The following CNBD1 variants were observed in gnomAD, a reference collection of about 807,000 sequenced individuals.
The protein encoded by CNBD1 is cyclic nucleotide binding domain containing 1.
In CNBD1, 71 loss-of-function variants were observed where a neutral mutation model predicts 54.4. The observed-to-expected ratio is 1.30, with a 90% CI of 1.08 to 1.59. The LOEUF (loss-of-function observed/expected upper bound fraction) is 1.59. Among genes scored for constraint, CNBD1 ranks in the 40% most tolerant of loss-of-function variants. CNBD1 has a pLI of 0.00. For synonymous variants in CNBD1, 182 were observed against 170.7 expected (o/e 1.07, Z -0.51); for missense variants, 659 against 518.0 (o/e 1.27, Z -2.64).
chr8:87,145,597 G>T (rs1250682355), intron 4 of CNBD1, among the ~76,000 whole-genome samples: 1 of 152,102 alleles, frequency 6.6e-6, no homozygotes, highest in Non-Finnish European at 1.5e-5. Context: ...AAAGGAAAGA[G>T]AATAATGAAA....
intron 4 of CNBD1, among the ~76,000 whole-genome samples, chr8:87,195,114 A>G (rs1304608811): frequency 6.6e-6 from 1 of 151,472 alleles, no homozygotes; most frequent in Middle Eastern, 3.2e-3. Flanking sequence ...CGAACTCCTG[A>G]CCTCATGATC....
chr8:87,386,015 G>A (rs750371265), downstream of CNBD1, among the ~76,000 whole-genome samples: 81 of 152,154 alleles, frequency 5.3e-4, no homozygotes, highest in Non-Finnish European at 7.3e-4. Flanking sequence ...ATAGTCTGGA[G>A]TGGACCTCCA....
At chr8:87,411,011 C>A (rs2130984756) in intron 2 of CNBD1, among the ~76,000 whole-genome samples, 1 of 152,148 alleles carries the variant, frequency 6.6e-6, no homozygotes, top group Admixed American at 6.6e-5. Flanking sequence ...AGTCTATACA[C>A]TGCAGTATTG....
At chr8:87,422,349 C>T (rs189381024) in intron 2 of CNBD1, among the ~76,000 whole-genome samples, 8 of 146,338 alleles carry the variant, frequency 5.5e-5, no homozygotes, top group Middle Eastern at 3.4e-3. Context: ...AGTCCTTGCC[C>T]GTGCCTATGT....
chr8:87,067,990 A>G (rs2130648219), intron 4 of CNBD1, among the ~76,000 whole-genome samples: 1 of 152,162 alleles, frequency 6.6e-6, no homozygotes, highest in African/African-American at 2.4e-5. Flanking sequence ...TTATATTCTA[A>G]AAACAGGCAC....
intron 4 of CNBD1, among the ~76,000 whole-genome samples, chr8:86,999,958 G>C (rs1353042617): frequency 6.6e-6 from 1 of 152,182 alleles, no homozygotes; most frequent in Admixed American, 6.5e-5. Context: ...GCTGGCCTTA[G>C]ACTGAATTTT....
intron 4 of CNBD1, among the ~76,000 whole-genome samples, chr8:87,160,787 T>A (rs1812842114): frequency 6.6e-6 from 1 of 151,812 alleles, no homozygotes; most frequent in Non-Finnish European, 1.5e-5. Flanking sequence ...AAACAGAAAA[T>A]ACCATAACCA....
At chr8:87,391,047 C>G (rs569721827) in intron 2 of CNBD1, among the ~76,000 whole-genome samples, 1 of 151,738 alleles carries the variant, frequency 6.6e-6, no homozygotes, top group Non-Finnish European at 1.5e-5. Context: ...ACAAAGAGAA[C>G]CCATGGACAC....
chr8:86,888,660 T>A (rs1373962299), intron 2 of CNBD1, among the ~76,000 whole-genome samples: 3 of 152,134 alleles, frequency 2.0e-5, no homozygotes, highest in Admixed American at 2.0e-4. Flanking sequence ...GTTATTTTTA[T>A]TATTTTTGTT....
At chr8:87,249,302 G>A (rs1807866487) in intron 6 of CNBD1, among the ~76,000 whole-genome samples, 1 of 152,060 alleles carries the variant, frequency 6.6e-6, no homozygotes, top group Non-Finnish European at 1.5e-5. Flanking sequence ...GACCTCAGGA[G>A]GTAATACAAG....
At chr8:86,940,386 C>A (rs1324788109) in intron 4 of CNBD1, among the ~76,000 whole-genome samples, 1 of 152,026 alleles carries the variant, frequency 6.6e-6, no homozygotes, top group Non-Finnish European at 1.5e-5. Flanking sequence ...AGGGTGGTCT[C>A]GAACTCCTGA....
rs866336041 is a variant in CNBD1, at chr8:87,382,622, G to A, written c.1306G>A (p.Ala436Thr). Reference sequence around the variant, plus strand: ...GTTTGTTTGTTTGCCTTTTGCAGTGGCCTAGATCTAGAAACAACCTCAGTG... The same window carrying A: ...GTTTGTTTGTTTGCCTTTTGCAGTGACCTAGATCTAGAAACAACCTCAGTG... ...AIIEDKDLFV[A>T] The change falls in exon 11 of 11, where the codon GCC (alanine) becomes ACC (threonine). Residue 436 changes from alanine (A) to threonine (T), a missense_variant and splice_region_variant. Coordinates refer to ENST00000518476, the MANE Select transcript of CNBD1 (RefSeq NM_173538.3). 6.5e-7 allele frequency: 1 copy of A among 1,536,928 alleles called. No individual in the cohort carries two copies. Among genetic ancestry groups the A allele is most frequent in the Non-Finnish European group, 8.8e-7 (1 of 1,135,690 alleles).
chr8:87,243,040 C>T (rs1807736705), intron 6 of CNBD1, among the ~76,000 whole-genome samples: 1 of 152,138 alleles, frequency 6.6e-6, no homozygotes, highest in Non-Finnish European at 1.5e-5. Context: ...AAATTAATCA[C>T]TAAACCATCA....
At chr8:87,034,120 T>A (rs1809855609) in intron 4 of CNBD1, among the ~76,000 whole-genome samples, 1 of 152,220 alleles carries the variant, frequency 6.6e-6, no homozygotes, top group African/African-American at 2.4e-5. Flanking sequence ...TTTACAATGA[T>A]CCTTATGCTG....
intron 4 of CNBD1, among the ~76,000 whole-genome samples, chr8:86,983,841 G>A (rs569539991): frequency 1.7e-4 from 26 of 152,232 alleles, no homozygotes; most frequent in African/African-American, 6.3e-4. Context: ...ATAAAAGTTT[G>A]AAAAATTTGC....
At chr8:87,372,662 A>C (rs1563574877) in intron 10 of CNBD1, among the ~76,000 whole-genome samples, 1 of 151,866 alleles carries the variant, frequency 6.6e-6, no homozygotes, top group East Asian at 1.9e-4. Context: ...TTATTTGTCC[A>C]CAAATAAGTG....
At chr8:87,172,148 T>G (rs1475701236) in intron 4 of CNBD1, among the ~76,000 whole-genome samples, 1 of 152,038 alleles carries the variant, frequency 6.6e-6, no homozygotes, top group African/African-American at 2.4e-5. Flanking sequence ...AAATTCTTCT[T>G]GTTATTAACA....
chr8:87,352,478 CAA>C (rs386413278), intron 9 of CNBD1, among the ~76,000 whole-genome samples: 2 of 107,488 alleles, frequency 1.9e-5, no homozygotes, highest in Non-Finnish European at 3.6e-5. Flanking sequence ...GACTCTGTCT[CAA>C]AAAAAAAAAA....
At chr8:87,332,207 G>A (rs1209372344) in intron 8 of CNBD1, among the ~76,000 whole-genome samples, 2 of 152,120 alleles carry the variant, frequency 1.3e-5, no homozygotes, top group African/African-American at 4.8e-5. Context: ...AATTAGCTGG[G>A]CGTGGTTGTG....
Sources: allele counts gnomAD v4.1 joint callset (sites outside exome capture counted in the v4.1 genomes callset), GRCh38; gene constraint gnomAD v4.1.1; transcripts MANE v1.5; gene names NCBI Gene and HGNC (gene_info 2026-07-23, HGNC 2026-07-21).